The following EYS variants were observed in gnomAD, a reference collection of about 807,000 sequenced individuals.
The protein encoded by EYS is EGF-like photoreceptor maintenance factor, also known as protein eyes shut homolog.
A neutral mutation model predicts 282.1 loss-of-function variants in EYS; 250 were observed. The observed-to-expected ratio is 0.89, with a 90% CI of 0.80 to 0.98. The LOEUF (loss-of-function observed/expected upper bound fraction) is 0.98. EYS is among the 50% of genes least tolerant of loss of function. The pLI, the probability that EYS is intolerant of heterozygous loss-of-function variation, is 0.00. For missense variants in EYS, 4,016 were observed against 3,709.0 expected, an observed-to-expected ratio of 1.08 and a Z score of -2.15; for synonymous variants, 1,355 against 1,282.9, an observed-to-expected ratio of 1.06 and a Z score of -1.20.
chr6:64,895,105 T>G (rs1367589958), intron 18 of EYS, among the ~76,000 whole-genome samples: 1 of 152,064 alleles, frequency 6.6e-6, no homozygotes, highest in East Asian at 1.9e-4. Flanking sequence ...GGGTGGTGAT[T>G]CCAAACATCC....
intron 36 of EYS, among the ~76,000 whole-genome samples, chr6:63,842,150 G>T (rs753506390): frequency 6.6e-6 from 1 of 152,130 alleles, no homozygotes; most frequent in Non-Finnish European, 1.5e-5. Context: ...GGGTCAAATG[G>T]TATATCTAGT....
intron 37 of EYS, among the ~76,000 whole-genome samples, chr6:63,793,163 C>T (rs1025801787): frequency 1.3e-5 from 2 of 152,168 alleles, no homozygotes; most frequent in Non-Finnish European, 2.9e-5. Context: ...CATGAATCAT[C>T]AAGGAACCCT....
At chr6:64,692,257 A>G (rs1364051955) in intron 22 of EYS, among the ~76,000 whole-genome samples, 2 of 152,154 alleles carry the variant, frequency 1.3e-5, no homozygotes, top group Non-Finnish European at 2.9e-5. Flanking sequence ...AGTGATGCTA[A>G]GCATTTTATC....
intron 30 of EYS, among the ~76,000 whole-genome samples, chr6:64,275,830 T>C (rs1398408357): frequency 2.0e-5 from 3 of 151,472 alleles, no homozygotes; most frequent in South Asian, 4.2e-4. Context: ...CTGGGCGTGG[T>C]GGCGGGCACC....
intron 30 of EYS, among the ~76,000 whole-genome samples, chr6:64,292,180 A>T (rs1002425692): frequency 2.6e-5 from 4 of 152,078 alleles, no homozygotes; most frequent in Non-Finnish European, 4.4e-5. Flanking sequence ...ACTTCCACAA[A>T]ACCAGCAGTT....
At chr6:65,357,166 A>G (rs990029657) in intron 8 of EYS, among the ~76,000 whole-genome samples, 1 of 152,112 alleles carries the variant, frequency 6.6e-6, no homozygotes, top group East Asian at 1.9e-4. Flanking sequence ...TAGAGGTTCA[A>G]CAGAAAAGCC....
chr6:65,620,500 C>T (rs931186473), intron 2 of EYS, among the ~76,000 whole-genome samples: 1 of 151,528 alleles, frequency 6.6e-6, no homozygotes, highest in Non-Finnish European at 1.5e-5. Flanking sequence ...TTTCAAAAAA[C>T]CAGCTCCTGG....
At chr6:65,371,009 A>T (rs1488790739) in intron 8 of EYS, among the ~76,000 whole-genome samples, 1 of 151,830 alleles carries the variant, frequency 6.6e-6, no homozygotes. Flanking sequence ...AGAAAAAAAA[A>T]ACACAGAAAG....
At chr6:65,115,215 G>T (rs376158812) in intron 12 of EYS, among the ~76,000 whole-genome samples, 1 of 151,894 alleles carries the variant, frequency 6.6e-6, no homozygotes, top group Non-Finnish European at 1.5e-5. Context: ...TTTAAATTAT[G>T]AAATGAATTT....
At chr6:65,415,553 G>A (rs762255699) in intron 5 of EYS, among the ~76,000 whole-genome samples, 8 of 152,056 alleles carry the variant, frequency 5.3e-5, no homozygotes, top group African/African-American at 7.2e-5. Flanking sequence ...ATGTCTATAG[G>A]TAAGGTAGAG....
intron 18 of EYS, among the ~76,000 whole-genome samples, chr6:64,898,961 T>C (rs1303618292): frequency 6.6e-6 from 1 of 150,748 alleles, no homozygotes; most frequent in African/African-American, 2.4e-5. Flanking sequence ...ATAAAGCAAG[T>C]ACTTAGAGAT....
At chr6:64,865,809 T>A (rs2150051132) in intron 19 of EYS, among the ~76,000 whole-genome samples, 1 of 152,130 alleles carries the variant, frequency 6.6e-6, no homozygotes, top group Non-Finnish European at 1.5e-5. Flanking sequence ...GTAGCTGCAA[T>A]AAAGGGAAGA....
intron 2 of EYS, among the ~76,000 whole-genome samples, chr6:65,606,940 A>C (rs1765820459): frequency 6.6e-6 from 1 of 151,784 alleles, no homozygotes; most frequent in Non-Finnish European, 1.5e-5. Flanking sequence ...AGAAATAATA[A>C]TGGGATATAA....
intron 35 of EYS, among the ~76,000 whole-genome samples, chr6:63,953,142 A>T (rs961385420): frequency 6.6e-6 from 1 of 152,008 alleles, no homozygotes; most frequent in African/African-American, 2.4e-5. Flanking sequence ...TGGTTTTTTC[A>T]CTATTCCCCT....
At chr6:64,312,008 C>T (rs1769731486) in intron 29 of EYS, among the ~76,000 whole-genome samples, 1 of 136,828 alleles carries the variant, frequency 7.3e-6, no homozygotes, top group Non-Finnish European at 1.5e-5. Flanking sequence ...CCCAGTGGCA[C>T]CTGGAATGCC....
chr6:65,167,022 C>T (rs1403042560), intron 12 of EYS, among the ~76,000 whole-genome samples: 2 of 150,904 alleles, frequency 1.3e-5, no homozygotes, highest in Non-Finnish European at 3.0e-5. Context: ...AGGATGACAA[C>T]AATTAAAAAA....
chr6:65,616,030 T>A (rs1484399410), intron 2 of EYS, among the ~76,000 whole-genome samples: 2 of 151,788 alleles, frequency 1.3e-5, no homozygotes, highest in African/African-American at 4.8e-5. Flanking sequence ...GTATCAAGAG[T>A]TAGAAGAACA....
intron 33 of EYS, among the ~76,000 whole-genome samples, chr6:64,050,711 G>C (rs1024212563): frequency 3.9e-5 from 6 of 152,150 alleles, no homozygotes; most frequent in Non-Finnish European, 8.8e-5. Context: ...TAGGGGTTAG[G>C]AGAAAATTAT....
intron 28 of EYS, among the ~76,000 whole-genome samples, chr6:64,418,487 C>A (rs1774129788): frequency 6.6e-6 from 1 of 152,078 alleles, no homozygotes; most frequent in South Asian, 2.1e-4. Context: ...GAAAACCAGG[C>A]AAAATAGGTC....
Sources: allele counts gnomAD v4.1 joint callset (sites outside exome capture counted in the v4.1 genomes callset), GRCh38; gene constraint gnomAD v4.1.1; transcripts MANE v1.5; gene names NCBI Gene and HGNC (gene_info 2026-07-23, HGNC 2026-07-21).